The following ASPH variants were observed in gnomAD, a reference collection of about 807,000 sequenced individuals.
ASPH encodes the protein aspartate beta-hydroxylase.
A neutral mutation model predicts 118.4 loss-of-function variants in ASPH; 100 were observed. That is an observed-to-expected ratio of 0.84 (90% CI 0.72 to 1.00). The LOEUF is 1.00. Among genes scored for constraint, ASPH ranks in the 50% least tolerant of loss-of-function variants. The pLI is 0.00. For missense variants in ASPH, 920 were observed against 919.5 expected, an observed-to-expected ratio of 1.00 and a Z score of -0.01; for synonymous variants, 315 against 325.6, an observed-to-expected ratio of 0.97 and a Z score of 0.35.
At chr8:61,639,866 C>G (rs1804268103) in intron 10 of ASPH, among the ~76,000 whole-genome samples, 1 of 152,184 alleles carries the variant, frequency 6.6e-6, no homozygotes, top group East Asian at 1.9e-4. Flanking sequence ...AAGAGCACCC[C>G]CTGTCACCAG....
At chr8:61,513,513 G>A (rs1809677087) in intron 24 of ASPH, among the ~76,000 whole-genome samples, 1 of 152,190 alleles carries the variant, frequency 6.6e-6, no homozygotes, top group Admixed American at 6.5e-5. Context: ...ACGTGGAGAA[G>A]GGCTGCTGAC....
At chr8:61,520,510 A>T (rs1480568445) in intron 22 of ASPH, among the ~76,000 whole-genome samples, 1 of 152,268 alleles carries the variant, frequency 6.6e-6, no homozygotes, top group African/African-American at 2.4e-5. Flanking sequence ...TTTAGAAAAC[A>T]ACTTAGCTTT....
At position 61,672,524 on chromosome 8, in the gene ASPH, A is replaced by T. The variant is rs528999131; in HGVS notation, c.322+8444T>A. ...CCACTTATTTAAACCAGTTTTTTTT[A>T]AAAAAAAAAAACTCAGTATTTTATT... On this transcript the variant is annotated intron_variant, in intron 3 of 24. Coordinates refer to ENST00000379454, the MANE Select transcript of ASPH (RefSeq NM_004318.4). Among the ~76,000 whole-genome samples, 1,120 of 142,486 alleles carry T rather than the reference A, an allele frequency of 7.9e-3. 3 individuals carry two copies. The highest frequency in any genetic ancestry group is 0.025 in the Middle Eastern group (7 of 284). The allele number at this position is 142,486 out of a possible 152,430, so 93.5% of individuals were successfully genotyped here.
intron 21 of ASPH, among the ~76,000 whole-genome samples, chr8:61,538,226 T>C (rs1233512437): frequency 6.6e-6 from 1 of 152,242 alleles, no homozygotes; most frequent in Non-Finnish European, 1.5e-5. Flanking sequence ...TTTCTAATTA[T>C]GGAGCCCTTT....
intron 14 of ASPH, chr8:61,606,455 TATAA>T (rs1209973120): frequency 2.0e-5 from 3 of 152,194 alleles, no homozygotes; most frequent in African/African-American, 4.8e-5. Context: ...CATCACACTG[TATAA>T]ATAGATTTTA....
intron 3 of ASPH, chr8:61,676,395 A>T: frequency 2.9e-6 from 4 of 1,358,752 alleles, no homozygotes; most frequent in South Asian, 2.9e-5. Flanking sequence ...AGGAAGGGTG[A>T]TCTCAAAAGC....
intron 1 of ASPH, among the ~76,000 whole-genome samples, chr8:61,710,651 C>T (rs1048007285): frequency 5.3e-5 from 8 of 152,142 alleles, no homozygotes; most frequent in African/African-American, 1.7e-4. Context: ...AAATAGCTGA[C>T]GGTTCTTGCA....
At chr8:61,710,572 G>A (rs966933710) in intron 1 of ASPH, among the ~76,000 whole-genome samples, 2 of 152,178 alleles carry the variant, frequency 1.3e-5, no homozygotes, top group Non-Finnish European at 2.9e-5. Context: ...AACTCCCTCA[G>A]AACATTATTT....
chr8:61,680,894 G>T, intron 3 of ASPH, 74 bp downstream of exon 3: 1 of 1,280,704 alleles, frequency 7.8e-7, no homozygotes. Context: ...TATTGAGATA[G>T]ATATTATTAA....
In ASPH at chr8:61,615,206, A is replaced by C. The variant is rs116069518; in HGVS notation, c.976+3772T>G. Among the ~76,000 whole-genome samples the C allele has an allele frequency of 1.3e-3, 202 of 152,164 alleles. 1 individual carries two copies. The highest frequency in any genetic ancestry group is 4.6e-3 in the African/African-American group (191 of 41,506). On this transcript the variant is annotated intron_variant, in intron 14 of 24. Coordinates refer to ENST00000379454, the MANE Select transcript of ASPH (RefSeq NM_004318.4). ...ATCGCCTCCTTGTTAGGCCTCAAAC[A>C]TGCTAAGCACACATGCCCTGAGGAC...
chr8:61,673,858 C>T (rs1215432503), intron 3 of ASPH, among the ~76,000 whole-genome samples: 2 of 152,008 alleles, frequency 1.3e-5, no homozygotes, highest in African/African-American at 2.4e-5. Context: ...CACAAGTTGA[C>T]GGAAGTCACA....
At chr8:61,534,802 G>A (rs931453716) in intron 21 of ASPH, among the ~76,000 whole-genome samples, 10 of 152,332 alleles carry the variant, frequency 6.6e-5, no homozygotes, top group East Asian at 1.9e-4. Context: ...CGGGATTTAC[G>A]AAGGAAAGTC....
chr8:61,573,271 A>G (rs912993863), intron 16 of ASPH, among the ~76,000 whole-genome samples: 9 of 152,242 alleles, frequency 5.9e-5, no homozygotes, highest in African/African-American at 2.2e-4. Flanking sequence ...CAATATCGTG[A>G]AAATGGCCAT....
At chr8:61,547,306 A>G (rs984737512) in intron 21 of ASPH, among the ~76,000 whole-genome samples, 5 of 152,124 alleles carry the variant, frequency 3.3e-5, no homozygotes, top group Non-Finnish European at 1.5e-5. Context: ...ATGCTACAAC[A>G]TTTTCTGCCA....
chr8:61,595,582 CAAT>C (rs1314878522), intron 14 of ASPH, among the ~76,000 whole-genome samples: 2 of 152,144 alleles, frequency 1.3e-5, no homozygotes, highest in African/African-American at 4.8e-5. Context: ...ATCTATGAAA[CAAT>C]GGCTTGTGAG....
chr8:61,638,437 G>A, intron 10 of ASPH, 74 bp from the exon 11 acceptor site: 1 of 1,317,088 alleles, frequency 7.6e-7, no homozygotes, highest in Non-Finnish European at 1.1e-6. Flanking sequence ...TGCTTTAAGG[G>A]CAGAGACAAT....
intron 1 of ASPH, among the ~76,000 whole-genome samples, chr8:61,704,345 C>A (rs76691746): frequency 2.6e-3 from 395 of 149,662 alleles, no homozygotes; most frequent in African/African-American, 9.3e-3. Flanking sequence ...GGTGCTAGAA[C>A]TGAAATTCCA....
At chr8:61,627,287 T>C (rs934792161) in intron 13 of ASPH, among the ~76,000 whole-genome samples, 1 of 152,148 alleles carries the variant, frequency 6.6e-6, no homozygotes, top group Non-Finnish European at 1.5e-5. Context: ...CTTAACAAGG[T>C]GGATGAAACC....
At chr8:61,592,988 A>G (rs895293296) in intron 14 of ASPH, among the ~76,000 whole-genome samples, 1 of 152,244 alleles carries the variant, frequency 6.6e-6, no homozygotes, top group Non-Finnish European at 1.5e-5. Flanking sequence ...CAGGAAAAGC[A>G]AACCTGAATC....
Sources: allele counts gnomAD v4.1 joint callset (sites outside exome capture counted in the v4.1 genomes callset), GRCh38; gene constraint gnomAD v4.1.1; transcripts MANE v1.5; gene names NCBI Gene and HGNC (gene_info 2026-07-23, HGNC 2026-07-21).